Variants in RBFOX1 observed in about 807,000 individuals in gnomAD.
RBFOX1 encodes RNA binding fox-1 homolog 1, also known as RNA binding protein fox-1 homolog 1.
In RBFOX1, 8 loss-of-function variants were observed where a neutral mutation model predicts 57.7. The observed-to-expected ratio is 0.14, with a 90% confidence interval of 0.08 to 0.25. The LOEUF is 0.25. RBFOX1 is among the 10% of genes least tolerant of loss of function. The pLI is 1.00. For synonymous variants in RBFOX1, 326 were observed against 222.4 expected, an observed-to-expected ratio of 1.47 and a Z score of -4.15; for missense variants, 611 against 548.5, an observed-to-expected ratio of 1.11 and a Z score of -1.14.
intron 1 of RBFOX1, among the ~76,000 whole-genome samples, chr16:6,172,633 A>G (rs1413685259): frequency 6.6e-6 from 1 of 152,158 alleles, no homozygotes; most frequent in African/African-American, 2.4e-5. Flanking sequence ...CCTCTGGATT[A>G]TTCAATGTAG....
chr16:6,655,889 T>C (rs1458783988), intron 3 of RBFOX1, among the ~76,000 whole-genome samples: 1 of 152,170 alleles, frequency 6.6e-6, no homozygotes, highest in Non-Finnish European at 1.5e-5. Context: ...GTGGAGGACT[T>C]CTCAAAACAA....
At chr16:6,123,926 G>A (rs1035605044) in intron 1 of RBFOX1, among the ~76,000 whole-genome samples, 1 of 152,108 alleles carries the variant, frequency 6.6e-6, no homozygotes, top group Non-Finnish European at 1.5e-5. Context: ...TAAATTTTAT[G>A]TTAGGCATAT....
At chr16:7,399,052 C>T (rs1366172942) in intron 4 of RBFOX1, among the ~76,000 whole-genome samples, 1 of 152,216 alleles carries the variant, frequency 6.6e-6, no homozygotes, top group South Asian at 2.1e-4. Flanking sequence ...GGGTACTCTG[C>T]TCACTTTGTA....
intron 1 of RBFOX1, among the ~76,000 whole-genome samples, chr16:5,241,740 C>G (rs1338163946): frequency 6.6e-6 from 1 of 152,162 alleles, no homozygotes; most frequent in Non-Finnish European, 1.5e-5. Context: ...ATAAATGGGA[C>G]TTAGGACTGA....
At chr16:5,464,236 T>G (rs1471549598) in intron 1 of RBFOX1, among the ~76,000 whole-genome samples, 1 of 152,218 alleles carries the variant, frequency 6.6e-6, no homozygotes, top group African/African-American at 2.4e-5. Context: ...TTGAGTCTGG[T>G]GCTCAGGAGA....
At chr16:5,745,588 A>T (rs578026993) in intron 3 of RBFOX1, among the ~76,000 whole-genome samples, 1 of 152,270 alleles carries the variant, frequency 6.6e-6, no homozygotes, top group South Asian at 2.1e-4. Context: ...ATTTCTCCAC[A>T]TCCTGTCCAG....
At position 7,360,884 on chromosome 16, in the gene RBFOX1, A is replaced by T. The variant is rs532880855; in HGVS notation, c.28-157263A>T. 2.1e-3 allele frequency among the ~76,000 whole-genome samples: 321 copies of T among 152,252 alleles called. 1 individual carries two copies. The highest frequency in any genetic ancestry group is 3.4e-3 in the Middle Eastern group (1 of 294). On this transcript the variant is annotated intron_variant, in intron 4 of 15. Transcript: ENST00000550418. ...GTCACCTTGACATCTTCGAGTATCT[A>T]TTTAGAGTCCCTGAATGTATCCTTA...
intron 3 of RBFOX1, among the ~76,000 whole-genome samples, chr16:6,985,233 T>C (rs1327802285): frequency 6.7e-6 from 1 of 150,014 alleles, no homozygotes; most frequent in Non-Finnish European, 1.5e-5. Context: ...TGGCCTCTTG[T>C]CTTTTCTGGG....
intron 3 of RBFOX1, among the ~76,000 whole-genome samples, chr16:6,957,788 C>T (rs554089735): frequency 6.6e-6 from 1 of 152,066 alleles, no homozygotes; most frequent in Non-Finnish European, 1.5e-5. Flanking sequence ...GCTGGGATAC[C>T]TTAGGGAAAG....
chr16:6,308,201 ATT>A (rs1469953704), intron 1 of RBFOX1, among the ~76,000 whole-genome samples: 2 of 152,032 alleles, frequency 1.3e-5, no homozygotes, highest in Non-Finnish European at 2.9e-5. Context: ...TACATTGTGT[ATT>A]TATCTATTTG....
intron 4 of RBFOX1, among the ~76,000 whole-genome samples, chr16:7,117,847 T>A (rs2151733873): frequency 6.6e-6 from 1 of 152,286 alleles, no homozygotes; most frequent in Non-Finnish European, 1.5e-5. Flanking sequence ...CTCCCTCAGG[T>A]TGCTGGCAGG....
At chr16:6,757,461 C>T (rs1445446155) in intron 3 of RBFOX1, among the ~76,000 whole-genome samples, 1 of 152,042 alleles carries the variant, frequency 6.6e-6, no homozygotes, top group Non-Finnish European at 1.5e-5. Flanking sequence ...ACTATTCAGC[C>T]CTGAAAAAGG....
intron 1 of RBFOX1, among the ~76,000 whole-genome samples, chr16:6,268,157 C>G (rs954026668): frequency 6.6e-6 from 1 of 152,174 alleles, no homozygotes; most frequent in African/African-American, 2.4e-5. Context: ...TTCCAGCTAC[C>G]TTTTCTGTAG....
At chr16:5,689,432 G>A (rs2050601582) in intron 3 of RBFOX1, among the ~76,000 whole-genome samples, 2 of 152,134 alleles carry the variant, frequency 1.3e-5, no homozygotes, top group Non-Finnish European at 2.9e-5. Flanking sequence ...TGGTGATGAG[G>A]GTGGGGAAAG....
At chr16:7,119,123 T>C (rs899258596) in intron 4 of RBFOX1, among the ~76,000 whole-genome samples, 6 of 152,132 alleles carry the variant, frequency 3.9e-5, no homozygotes, top group Non-Finnish European at 5.9e-5. Flanking sequence ...TGTTGCAATG[T>C]ATGTGTGCTC....
chr16:7,189,365 G>A (rs1441098324), intron 4 of RBFOX1, among the ~76,000 whole-genome samples: 1 of 145,678 alleles, frequency 6.9e-6, no homozygotes, highest in Admixed American at 7.3e-5. Flanking sequence ...GGTGGAGCTT[G>A]CAGTGAGCTG....
At chr16:5,252,601 C>A (rs2062480524) in intron 1 of RBFOX1, among the ~76,000 whole-genome samples, 1 of 152,144 alleles carries the variant, frequency 6.6e-6, no homozygotes, top group African/African-American at 2.4e-5. Flanking sequence ...CACTTCAGCC[C>A]CAGGGGCCTG....
intron 1 of RBFOX1, among the ~76,000 whole-genome samples, chr16:6,263,392 G>C (rs2152643408): frequency 1.3e-5 from 2 of 152,292 alleles, no homozygotes; most frequent in Middle Eastern, 3.4e-3. Flanking sequence ...AGGGTATAAA[G>C]AGAGAGGCTC....
chr16:6,672,677 C>T (rs1236850243), intron 3 of RBFOX1, among the ~76,000 whole-genome samples: 1 of 152,154 alleles, frequency 6.6e-6, no homozygotes, highest in African/African-American at 2.4e-5. Context: ...CCTCCACCCA[C>T]CATGATTCCG....
Sources: allele counts gnomAD v4.1 joint callset (sites outside exome capture counted in the v4.1 genomes callset), GRCh38; gene constraint gnomAD v4.1.1; transcripts MANE v1.5; gene names NCBI Gene and HGNC (gene_info 2026-07-23, HGNC 2026-07-21).